Variants in PLAC1 observed in about 807,000 individuals in gnomAD.
The protein encoded by PLAC1 is placenta associated 1.
For synonymous variants in PLAC1, 68 were observed against 62.1 expected (o/e 1.09, Z -0.44); for missense variants, 136 against 163.2 (o/e 0.83, Z 0.91).
At chrX:134,660,917 A>T (rs958925926), upstream of PLAC1, among the ~76,000 whole-genome samples, 1 of 111,633 alleles carries the variant, frequency 9.0e-6, no homozygotes, top group Non-Finnish European at 1.9e-5. Context: ...AGTTGTTTAT[A>T]TAAACCAATG....
intron 1 of PLAC1, among the ~76,000 whole-genome samples, chrX:134,656,639 C>T (rs939600514): frequency 9.0e-6 from 1 of 111,496 alleles, no homozygotes; most frequent in African/African-American, 3.3e-5. Context: ...GGCTGGAGTG[C>T]AGTGGAGTGA....
chrX:134,654,291 G>A (rs938594322), intron 1 of PLAC1, among the ~76,000 whole-genome samples: 1 of 111,981 alleles, frequency 8.9e-6, no homozygotes. Context: ...CCTAGACCTG[G>A]TTCTCCAACT....
intron 1 of PLAC1, among the ~76,000 whole-genome samples, chrX:134,745,894 C>G (rs2078727975): frequency 8.9e-6 from 1 of 111,775 alleles, no homozygotes. Flanking sequence ...CACAGTGAGT[C>G]CAGTTCCTTC....
intron 2 of PLAC1, among the ~76,000 whole-genome samples, chrX:134,711,653 A>T (rs1184265883): frequency 8.9e-6 from 1 of 112,205 alleles, no homozygotes; most frequent in Admixed American, 9.4e-5. Context: ...GTCGCTTTAC[A>T]TGGAGGAGAA....
At chrX:134,678,583 T>C (rs754804373) in intron 2 of PLAC1, among the ~76,000 whole-genome samples, 76 of 111,967 alleles carry the variant, frequency 6.8e-4, no homozygotes, top group African/African-American at 2.3e-3. Context: ...TGACATTCTA[T>C]ATTATATAGT....
intron 2 of PLAC1, among the ~76,000 whole-genome samples, chrX:134,577,660 C>T (rs1273804440): frequency 9.1e-6 from 1 of 109,692 alleles, no homozygotes; most frequent in Non-Finnish European, 1.9e-5. Context: ...TGCACTCCAG[C>T]CTGGGCAACA....
intron 1 of PLAC1, among the ~76,000 whole-genome samples, chrX:134,646,563 T>C (rs1177321029): frequency 1.8e-5 from 2 of 112,426 alleles, no homozygotes. Context: ...TAAATGATAA[T>C]TAGCCACTGA....
At chrX:134,677,681 G>A (rs999393693) in intron 2 of PLAC1, among the ~76,000 whole-genome samples, 7 of 111,747 alleles carry the variant, frequency 6.3e-5, no homozygotes, top group Non-Finnish European at 9.4e-5. Context: ...ACATAATGGC[G>A]GCCATGGCAG....
At chrX:134,683,518 G>A (rs1269435003) in intron 2 of PLAC1, among the ~76,000 whole-genome samples, 1 of 111,460 alleles carries the variant, frequency 9.0e-6, no homozygotes, top group Admixed American at 9.6e-5. Flanking sequence ...AGATTGCCAG[G>A]GGTTTGCAAA....
chrX:134,715,707 G>A lies in PLAC1; in HGVS notation n.174+17728C>T, dbSNP rs780749613. Among the ~76,000 whole-genome samples, 5 of 111,768 alleles carry A rather than the reference G, an allele frequency of 4.5e-5. 1 individual carries two copies. Among genetic ancestry groups the A allele is most frequent in the African/African-American group, 6.5e-5 (2 of 30,757 alleles). ...GGACTAATTAATTACAGAGAAGCCCGGCATTTTGAAATGCTAGAAGAATTA... is the reference window on the plus strand; with the variant it reads ...GGACTAATTAATTACAGAGAAGCCCAGCATTTTGAAATGCTAGAAGAATTA... On this transcript the variant is annotated intron_variant and non_coding_transcript_variant, in intron 2 of 2. Coordinates refer to the PLAC1 transcript ENST00000466797.
At chrX:134,744,361 G>A (rs1348116228) in intron 1 of PLAC1, among the ~76,000 whole-genome samples, 3 of 110,135 alleles carry the variant, frequency 2.7e-5, no homozygotes, top group African/African-American at 6.6e-5. Context: ...TCTTCTCCCC[G>A]CTCCCTTCGT....
At chrX:134,588,290 TTTTATTTATTTA>T (rs58865720) in intron 2 of PLAC1, among the ~76,000 whole-genome samples, 132 of 74,652 alleles carry the variant, frequency 1.8e-3, no homozygotes, top group African/African-American at 4.2e-3. Context: ...GAACTCTTTA[TTTTATTTATTTA>T]TTTATTTATT....
At chrX:134,621,444 C>CAAAAAAAAAAAA (rs11317429) in intron 1 of PLAC1, among the ~76,000 whole-genome samples, 1 of 33,854 alleles carries the variant, frequency 3.0e-5, no homozygotes. Flanking sequence ...GGCTCTGTCT[C>CAAAAAAAAAAAA]AAAAAAAAAA....
At chrX:134,716,780 G>A (rs999160907) in intron 2 of PLAC1, among the ~76,000 whole-genome samples, 10 of 112,196 alleles carry the variant, frequency 8.9e-5, no homozygotes, top group Admixed American at 7.6e-4. Context: ...ATAGCGTAAC[G>A]GTTAAGAGGT....
intron 1 of PLAC1, among the ~76,000 whole-genome samples, chrX:134,743,709 C>T (rs2078722405): frequency 9.0e-6 from 1 of 111,318 alleles, no homozygotes; most frequent in African/African-American, 3.3e-5. Flanking sequence ...CAGCCAATGT[C>T]ACTCTCCGAA....
intron 1 of PLAC1, among the ~76,000 whole-genome samples, chrX:134,655,363 A>G (rs1468966547): frequency 9.2e-6 from 1 of 109,033 alleles, no homozygotes; most frequent in African/African-American, 3.3e-5. Context: ...ACACACACAC[A>G]CATATATTTG....
intron 1 of PLAC1, among the ~76,000 whole-genome samples, chrX:134,638,425 A>C (rs1269590048): frequency 8.9e-6 from 1 of 112,794 alleles, no homozygotes; most frequent in African/African-American, 3.2e-5. Flanking sequence ...TATTAGCAGA[A>C]AAATCTTATA....
chrX:134,619,352 A>G (rs1240858464), intron 1 of PLAC1, among the ~76,000 whole-genome samples: 1 of 112,317 alleles, frequency 8.9e-6, no homozygotes, highest in Admixed American at 9.4e-5. Context: ...AAACTCCTGC[A>G]TTAAGAAAAC....
At chrX:134,582,706 T>C (rs2077980468) in intron 2 of PLAC1, among the ~76,000 whole-genome samples, 1 of 111,341 alleles carries the variant, frequency 9.0e-6, no homozygotes, top group African/African-American at 3.3e-5. Context: ...TAAGAAGTGA[T>C]TTGGGTGAGG....
Sources: allele counts gnomAD v4.1 joint callset (sites outside exome capture counted in the v4.1 genomes callset), GRCh38; gene constraint gnomAD v4.1.1; transcripts MANE v1.5; gene names NCBI Gene and HGNC (gene_info 2026-07-23, HGNC 2026-07-21).